Variants in PTPRO observed in about 807,000 individuals in gnomAD.
The protein encoded by PTPRO is receptor-type tyrosine-protein phosphatase O.
A neutral mutation model predicts 145.2 loss-of-function variants in PTPRO; 62 were observed. The ratio of observed to expected loss-of-function variants is 0.43; its 90% CI spans 0.35 to 0.53. PTPRO has a LOEUF of 0.53. Among genes scored for constraint, PTPRO ranks in the 20% least tolerant of loss-of-function variants. The pLI is 0.01. For synonymous variants in PTPRO, 565 were observed against 514.7 expected (o/e 1.10, Z -1.32); for missense variants, 1,345 against 1,482.7 (o/e 0.91, Z 1.53).
At chr12:15,368,701 T>C (rs1938437566) in intron 1 of PTPRO, among the ~76,000 whole-genome samples, 1 of 152,344 alleles carries the variant, frequency 6.6e-6, no homozygotes, top group African/African-American at 2.4e-5. Context: ...AAACTGTTTA[T>C]TCTCTGCCCA....
chr12:15,579,030 G>C, intron 20 of PTPRO, 87 bp downstream of exon 20: 1 of 1,211,922 alleles, frequency 8.3e-7, no homozygotes. Flanking sequence ...CCAATCTCTG[G>C]CCATACCCAC....
intron 1 of PTPRO, among the ~76,000 whole-genome samples, chr12:15,393,215 G>GA (rs911612930): frequency 4.5e-4 from 67 of 149,862 alleles, no homozygotes; most frequent in Admixed American, 1.0e-3. Context: ...AAACTAACAT[G>GA]AAAAAAAAAA....
chr12:15,519,194 C>A (rs1942661617), intron 9 of PTPRO, among the ~76,000 whole-genome samples: 2 of 152,144 alleles, frequency 1.3e-5, no homozygotes, highest in South Asian at 2.1e-4. Context: ...AGAGCTTGTG[C>A]AGGAAAACTC....
chr12:15,468,236 G>C (rs1438396333), intron 1 of PTPRO, among the ~76,000 whole-genome samples: 1 of 152,044 alleles, frequency 6.6e-6, no homozygotes, highest in Non-Finnish European at 1.5e-5. Flanking sequence ...CCCCCAATAG[G>C]AATTCTGGAG....
At chr12:15,525,041 A>G (rs1400229355) in intron 11 of PTPRO, 76 bp downstream of exon 11, 26 of 1,532,278 alleles carry the variant, frequency 1.7e-5, no homozygotes, top group Admixed American at 6.7e-5. Flanking sequence ...CTAAGCAATC[A>G]TTTATTGACA....
intron 1 of PTPRO, among the ~76,000 whole-genome samples, chr12:15,328,966 T>C (rs1371454404): frequency 6.6e-6 from 1 of 152,228 alleles, no homozygotes; most frequent in Non-Finnish European, 1.5e-5. Flanking sequence ...TAGTAATCTA[T>C]ATGAGATTTA....
At chr12:15,517,298 T>C (rs961347048) in intron 9 of PTPRO, among the ~76,000 whole-genome samples, 1 of 151,898 alleles carries the variant, frequency 6.6e-6, no homozygotes, top group Non-Finnish European at 1.5e-5. Flanking sequence ...TCATGAGACT[T>C]ATTCACTATC....
At chr12:15,329,507 T>C (rs940837999) in intron 1 of PTPRO, among the ~76,000 whole-genome samples, 1 of 152,206 alleles carries the variant, frequency 6.6e-6, no homozygotes, top group Admixed American at 6.5e-5. Flanking sequence ...TGAAAGAGCA[T>C]CCTATAAACA....
At chr12:15,492,242 T>C (rs183459255) in intron 2 of PTPRO, among the ~76,000 whole-genome samples, 1 of 152,280 alleles carries the variant, frequency 6.6e-6, no homozygotes, top group East Asian at 1.9e-4. Flanking sequence ...CCAGAGCCTG[T>C]GTCTCAAAAC....
chr12:15,581,441 T>C (rs1944315819), intron 22 of PTPRO, among the ~76,000 whole-genome samples: 1 of 151,716 alleles, frequency 6.6e-6, no homozygotes. Context: ...AGCTGGGGCA[T>C]TCTGAGTGCT....
At chr12:15,439,556 G>T (rs925058751) in intron 1 of PTPRO, 1 of 263,730 alleles carries the variant, frequency 3.8e-6, no homozygotes, top group Non-Finnish European at 7.5e-6. Flanking sequence ...GAGCGAGGGG[G>T]CCCGGAGGAC....
At chr12:15,372,996 C>T (rs186103283) in intron 1 of PTPRO, among the ~76,000 whole-genome samples, 13 of 152,268 alleles carry the variant, frequency 8.5e-5, no homozygotes, top group Admixed American at 8.5e-4. Context: ...AACGGCATGA[C>T]TGTCACAAGG....
At chr12:15,415,545 C>T (rs1039451359) in intron 1 of PTPRO, among the ~76,000 whole-genome samples, 11 of 151,378 alleles carry the variant, frequency 7.3e-5, no homozygotes, top group South Asian at 2.1e-4. Flanking sequence ...CCACCACACC[C>T]GGCTAATTTT....
chr12:15,539,910 T>C (rs1277004327), intron 12 of PTPRO, among the ~76,000 whole-genome samples: 2 of 151,518 alleles, frequency 1.3e-5, no homozygotes, highest in Non-Finnish European at 2.9e-5. Flanking sequence ...TGCTAAATAT[T>C]TGCCTGAATT....
chr12:15,528,705 A>G (rs762262449), intron 12 of PTPRO, among the ~76,000 whole-genome samples: 14 of 152,238 alleles, frequency 9.2e-5, no homozygotes, highest in South Asian at 2.1e-4. Flanking sequence ...ATACCACTCA[A>G]ATAAAATCAC....
intron 15 of PTPRO, among the ~76,000 whole-genome samples, chr12:15,555,717 A>G (rs1565425726): frequency 6.6e-6 from 1 of 152,176 alleles, no homozygotes; most frequent in Non-Finnish European, 1.5e-5. Context: ...ATTAAAGCAT[A>G]GATTCTCATC....
chr12:15,546,030 AT>A (rs1206900497), intron 12 of PTPRO, among the ~76,000 whole-genome samples: 1 of 148,324 alleles, frequency 6.7e-6, no homozygotes, highest in African/African-American at 2.5e-5. Flanking sequence ...AAAAAAAAAA[AT>A]GATACTATCT....
At chr12:15,457,602 T>C (rs1287753733) in intron 1 of PTPRO, among the ~76,000 whole-genome samples, 1 of 152,100 alleles carries the variant, frequency 6.6e-6, no homozygotes, top group Non-Finnish European at 1.5e-5. Flanking sequence ...ATTTTTTATA[T>C]TGATATTTTA....
intron 25 of PTPRO, among the ~76,000 whole-genome samples, chr12:15,591,370 C>CA (rs528832080): frequency 2.6e-4 from 39 of 148,616 alleles, no homozygotes; most frequent in South Asian, 1.1e-3. Flanking sequence ...GACTCCATCT[C>CA]AAAAAAAACA....
Sources: allele counts gnomAD v4.1 joint callset (sites outside exome capture counted in the v4.1 genomes callset), GRCh38; gene constraint gnomAD v4.1.1; transcripts MANE v1.5; gene names NCBI Gene and HGNC (gene_info 2026-07-23, HGNC 2026-07-21).